The following TESPA1 variants were observed in gnomAD, a reference collection of about 807,000 sequenced individuals.
TESPA1 encodes thymocyte expressed, positive selection associated 1, also known as protein TESPA1.
TESPA1 carries 33 observed loss-of-function variants against 57.9 expected under a neutral mutation model. The ratio of observed to expected loss-of-function variants is 0.57; its 90% confidence interval spans 0.43 to 0.76. TESPA1 has a LOEUF of 0.76. TESPA1 is among the 30% of genes least tolerant of loss of function. TESPA1 has a pLI of 0.00. For missense variants in TESPA1, 618 were observed against 632.9 expected, an observed-to-expected ratio of 0.98 and a Z score of 0.25; for synonymous variants, 227 against 228.9, an observed-to-expected ratio of 0.99 and a Z score of 0.07.
intron 6 of TESPA1, 83 bp downstream of exon 6, chr12:54,966,305 C>T: frequency 6.2e-7 from 1 of 1,602,600 alleles, no homozygotes; most frequent in Non-Finnish European, 8.5e-7. Context: ...ATCTTTAGCT[C>T]TTTATTTTAA....
At chr12:54,965,690 G>A (rs959197430) in intron 7 of TESPA1, among the ~76,000 whole-genome samples, 8 of 152,200 alleles carry the variant, frequency 5.3e-5, no homozygotes, top group African/African-American at 1.4e-4. Context: ...CTGCCTGTCC[G>A]AATGAATTAA....
chr12:54,983,848 T>C (rs1489778630), intron 1 of TESPA1: 2 of 152,144 alleles, frequency 1.3e-5, no homozygotes, highest in East Asian at 3.9e-4. Flanking sequence ...GCAAGGGGTG[T>C]TGGAGGAGCA....
At chr12:54,961,927 C>G (rs997170809) in intron 9 of TESPA1, among the ~76,000 whole-genome samples, 1 of 152,132 alleles carries the variant, frequency 6.6e-6, no homozygotes, top group African/African-American at 2.4e-5. Flanking sequence ...TAGGACAGGT[C>G]TGGGCACTGG....
At chr12:54,974,657 T>A (rs4759131) in intron 1 of TESPA1, 50 bp from the exon 2 acceptor site, 12 of 1,315,464 alleles carry the variant, frequency 9.1e-6, no homozygotes, top group Non-Finnish European at 1.2e-5. Flanking sequence ...TCAGAAACCA[T>A]CATGATGCTC....
At chr12:54,958,764 T>G (rs1372210330) in intron 10 of TESPA1, among the ~76,000 whole-genome samples, 1 of 152,182 alleles carries the variant, frequency 6.6e-6, no homozygotes, top group African/African-American at 2.4e-5. Flanking sequence ...AGTCTCAAGC[T>G]CAGAGATTCT....
intron 10 of TESPA1, among the ~76,000 whole-genome samples, chr12:54,960,909 G>T (rs141142199): frequency 1.1e-3 from 172 of 152,246 alleles, no homozygotes; most frequent in African/African-American, 3.9e-3. Flanking sequence ...TGGGAGCTGG[G>T]ATCTGGTCAT....
intron 3 of TESPA1, among the ~76,000 whole-genome samples, chr12:54,969,021 GTA>G (rs56901356): frequency 0.087 from 7,229 of 83,460 alleles, 252 homozygotes; most frequent in Admixed American, 0.093. Flanking sequence ...ATTTATATAT[GTA>G]TATATATATA....
chr12:54,963,892 C>A lies in TESPA1; in HGVS notation c.505G>T (p.Gly169Cys), dbSNP rs771807845. The A allele has an allele frequency of 6.2e-7, 1 of 1,613,966 alleles. No individual in the cohort carries two copies. Among genetic ancestry groups the A allele is most frequent in the Non-Finnish European group, 8.5e-7 (1 of 1,179,876 alleles). The change falls in exon 8 of 11, where the codon GGC (glycine) becomes TGC (cysteine). Residue 169 changes from glycine to cysteine, a missense_variant. Physicochemically the swap from Gly to Cys is radical, Grantham distance 159 (BLOSUM62 -3). Coordinates refer to ENST00000449076, the MANE Select transcript of TESPA1 (RefSeq NM_001136030.3). ...EDAEDVLFSLGFGQEDHKDTS... is the reference protein window; with the variant it reads ...EDAEDVLFSLCFGQEDHKDTS... ...TCTTTGTGATCCTCTTGGCCAAAGCCCAGACTGAAGAGGACATCTTCTGCA... is the reference window on the plus strand; with the variant it reads ...TCTTTGTGATCCTCTTGGCCAAAGCACAGACTGAAGAGGACATCTTCTGCA...
At chr12:54,957,363 A>G (rs1158556909) in intron 10 of TESPA1, among the ~76,000 whole-genome samples, 1 of 152,224 alleles carries the variant, frequency 6.6e-6, no homozygotes, top group Non-Finnish European at 1.5e-5. Flanking sequence ...TCTCCAGGAA[A>G]TAATTACAGA....
At chr12:54,972,823 GA>G (rs1247197255) in intron 3 of TESPA1, among the ~76,000 whole-genome samples, 1 of 152,166 alleles carries the variant, frequency 6.6e-6, no homozygotes, top group Non-Finnish European at 1.5e-5. Context: ...GGAAAATAAG[GA>G]GCAGGCAGAA....
Position 54,962,631 on chromosome 12 carries a change from T to A in TESPA1, c.1267A>T (p.Thr423Ser). Reference sequence around the variant, plus strand: ...AAAGTCTCATCCTTGGCTGGATGGGTTTCCGTATTGGTGGCTGGTAGACTA... The same window carrying A: ...AAAGTCTCATCCTTGGCTGGATGGGATTCCGTATTGGTGGCTGGTAGACTA... Reference protein sequence around the residue: ...LCSLPATNTETHPAKDETFWK... With the variant: ...LCSLPATNTESHPAKDETFWK... Residue 423 changes from threonine (T) to serine (S), a missense_variant, in exon 9 of 11, where the codon ACC becomes TCC. Coordinates refer to ENST00000449076, the MANE Select transcript of TESPA1 (RefSeq NM_001136030.3). The A allele has an allele frequency of 1.2e-6, 2 of 1,613,912 alleles. No homozygotes were observed. The highest frequency in any genetic ancestry group is 1.7e-6 in the Non-Finnish European group (2 of 1,179,886).
intron 1 of TESPA1, among the ~76,000 whole-genome samples, chr12:54,981,175 T>C (rs575228177): frequency 2.6e-5 from 4 of 152,260 alleles, no homozygotes; most frequent in South Asian, 4.1e-4. Context: ...AAGTCCCTGA[T>C]GTATAAAGGT....
chr12:54,965,207 T>C (rs1473085227), intron 7 of TESPA1, among the ~76,000 whole-genome samples: 1 of 152,200 alleles, frequency 6.6e-6, no homozygotes, highest in African/African-American at 2.4e-5. Flanking sequence ...TGTTTTAAGT[T>C]CTGGGGTACA....
intron 10 of TESPA1, among the ~76,000 whole-genome samples, chr12:54,955,504 T>C (rs1332250250): frequency 6.6e-6 from 1 of 152,222 alleles, no homozygotes; most frequent in African/African-American, 2.4e-5. Context: ...CTGACACAGA[T>C]GGCCACTCCA....
At chr12:54,976,555 A>C (rs1157594196) in intron 1 of TESPA1, among the ~76,000 whole-genome samples, 1 of 140,858 alleles carries the variant, frequency 7.1e-6, no homozygotes, top group Non-Finnish European at 1.6e-5. Context: ...GAAAAGAAGG[A>C]GGGAGGGAGG....
In TESPA1 at chr12:54,963,774, A is replaced by G. The variant is rs1392944796; in HGVS notation, c.623T>C (p.Ile208Thr). 6 of 1,613,698 alleles carry G rather than the reference A, an allele frequency of 3.7e-6. No homozygotes were observed. The highest frequency in any genetic ancestry group is 4.2e-6 in the Non-Finnish European group (5 of 1,179,850). The change falls in exon 8 of 11, where the codon ATT becomes ACT. Residue 208 changes from isoleucine to threonine, a missense_variant. This residue lies in a region of TESPA1 where 409 missense variants were observed against 420.1 expected (regional missense o/e 0.97). Transcript: ENST00000449076. ...QLFLKSQVRR[I>T]EMEDPCLMLA... ...CATGAGGCAGGGGTCTTCCATTTCAATCCTCCGCACCTGGGACTTCAGGAA... is the reference window on the plus strand; with the variant it reads ...CATGAGGCAGGGGTCTTCCATTTCAGTCCTCCGCACCTGGGACTTCAGGAA...
At chr12:54,951,089 C>T (rs1950357089) in intron 10 of TESPA1, among the ~76,000 whole-genome samples, 1 of 152,168 alleles carries the variant, frequency 6.6e-6, no homozygotes, top group Non-Finnish European at 1.5e-5. Flanking sequence ...TAGTTTGGCT[C>T]TGTGTCCCCA....
intron 5 of TESPA1, 87 bp downstream of exon 5, chr12:54,967,096 T>C: frequency 1.4e-6 from 2 of 1,478,820 alleles, no homozygotes; most frequent in East Asian, 2.3e-5. Flanking sequence ...TGTTTCTTTC[T>C]GAAGTTTTGC....
In TESPA1 at chr12:54,963,231, G is replaced by A. The variant is rs762424349; in HGVS notation, c.667C>T (p.Gln223Ter). Residue 223 changes from glutamine (Q) to a stop codon, truncating the protein, a stop_gained, in exon 9 of 11, where the codon CAG (glutamine) becomes TAG (stop). Coordinates refer to ENST00000449076, the MANE Select transcript of TESPA1 (RefSeq NM_001136030.3). LOFTEE classifies it high-confidence loss of function. ...GCAGTGACAGCCAGTGTTTGCACCT[G>A]CTTAAACCTGCCTGGGTACAAGAGT... is the stretch of plus-strand genomic sequence containing the variant. ...PCLMLASRFKQVQTLAVTADA... is the reference protein window; with the variant it reads ...PCLMLASRFK 6.2e-7 allele frequency: 1 copy of A among 1,610,964 alleles called. No homozygotes were observed. The highest frequency in any genetic ancestry group is 8.5e-7 in the Non-Finnish European group (1 of 1,178,720).
Sources: gnomAD v4.1 joint callset for allele counts (sites outside exome capture counted in the v4.1 genomes callset) on GRCh38, gnomAD v4.1.1 for gene constraint, gnomAD v4.1.1 regional missense constraint, MANE v1.5 for transcripts, NCBI Gene and HGNC (gene_info 2026-07-23, HGNC 2026-07-21) for gene names.